CSNK2A2: variants seen among roughly 807,000 people sequenced by gnomAD.
The protein encoded by CSNK2A2 is casein kinase II subunit alpha'.
CSNK2A2 carries 8 observed loss-of-function variants against 54.0 expected under a neutral mutation model. That is an observed-to-expected ratio of 0.15 (90% CI 0.09 to 0.27). The LOEUF (loss-of-function observed/expected upper bound fraction) is 0.27. Ranked by LOEUF, CSNK2A2 falls within the 10% of genes least tolerant of loss-of-function variation. The pLI, the probability that CSNK2A2 is intolerant of heterozygous loss-of-function variation, is 1.00. For synonymous variants in CSNK2A2, 141 were observed against 153.9 expected (o/e 0.92, Z 0.62); for missense variants, 242 against 439.4 (o/e 0.55, Z 4.02).
intron 5 of CSNK2A2, 192 bp downstream of exon 5, chr16:58,174,259 C>CT: frequency 2.0e-6 from 1 of 509,448 alleles, no homozygotes; most frequent in Non-Finnish European, 3.4e-6. Flanking sequence ...GACTTGGCCA[C>CT]TTTTTTCCCA....
intron 4 of CSNK2A2, among the ~76,000 whole-genome samples, chr16:58,183,284 G>T (rs1597120664): frequency 6.6e-6 from 1 of 151,820 alleles, no homozygotes; most frequent in Non-Finnish European, 1.5e-5. Flanking sequence ...GGCTGAGGCA[G>T]GAGAATCGCT....
chr16:58,197,754 G>C lies in CSNK2A2; in HGVS notation c.-18C>G. The C allele has an allele frequency of 9.3e-7, 1 of 1,077,050 alleles. No homozygotes were observed. The highest frequency in any genetic ancestry group is 1.2e-6 in the Non-Finnish European group (1 of 855,792). The allele number at this position is 1,077,050 out of a possible 1,614,324, so 66.7% of individuals were successfully genotyped here. A position where few individuals can be genotyped will look rare whatever the true frequency, so the allele number is the denominator to read the frequency against. On this transcript the variant is annotated 5_prime_UTR_variant, in exon 1 of 12. Coordinates refer to ENST00000262506, the MANE Select transcript of CSNK2A2 (RefSeq NM_001896.4). The surrounding 1 kb of genome is among the most constrained non-coding windows in gnomAD (Gnocchi z 4.0). ...CCGGGCATGGCGGGCGGGACCGGGG[G>C]GCGGCGCGGGGCGCAGAGGGTGGCG... is the stretch of plus-strand genomic sequence containing the variant.
At chr16:58,192,643 A>T (rs888587179) in intron 2 of CSNK2A2, 1 of 152,228 alleles carries the variant, frequency 6.6e-6, no homozygotes, top group Non-Finnish European at 1.5e-5. Flanking sequence ...TCCTTTGAGA[A>T]AAATAACTCC....
At position 58,174,359 on chromosome 16, in the gene CSNK2A2, A is replaced by C. The variant is rs537213763; in HGVS notation, c.429+92T>G. On this transcript the variant is annotated intron_variant, in intron 5 of 11. Transcript: ENST00000262506. ...TCACTAAATCCTCTGGGTATCAAGA[A>C]ACATTCTGCTTAAGTTCTCTTTGTT... 5 of 881,302 alleles carry C rather than the reference A, an allele frequency of 5.7e-6. No homozygotes were observed. In the African/African-American group the frequency reaches 8.7e-5, roughly 15 times the overall value. 54.6% of individuals were successfully genotyped at this position (881,302 alleles called of 1,614,324 possible). A position where few individuals can be genotyped will look rare whatever the true frequency, so the allele number is the denominator to read the frequency against.
intron 4 of CSNK2A2, 99 bp from the exon 5 acceptor site, chr16:58,174,609 A>G: frequency 1.2e-6 from 1 of 808,770 alleles, no homozygotes; most frequent in Non-Finnish European, 1.9e-6. Context: ...TACTTAAGTG[A>G]CTAAGGAATC....
intron 11 of CSNK2A2, chr16:58,159,843 T>C (rs1961275017): frequency 6.6e-6 from 1 of 152,190 alleles, no homozygotes; most frequent in Non-Finnish European, 1.5e-5. Flanking sequence ...AACCTCTTAG[T>C]CACCATTTAC....
chr16:58,174,552 C>T (rs1481306861), intron 4 of CSNK2A2, 42 bp from the exon 5 acceptor site: 1 of 1,531,392 alleles, frequency 6.5e-7, no homozygotes, highest in Admixed American at 1.7e-5. Flanking sequence ...TTTAGTCTCA[C>T]TGCATCTTGT....
At chr16:58,182,677 G>C (rs13338562) in intron 4 of CSNK2A2, among the ~76,000 whole-genome samples, 2 of 151,996 alleles carry the variant, frequency 1.3e-5, no homozygotes, top group Non-Finnish European at 2.9e-5. Context: ...ATTACACTAC[G>C]AACTTCCATT....
chr16:58,163,968 G>C, intron 11 of CSNK2A2, 86 bp downstream of exon 11: 1 of 1,058,714 alleles, frequency 9.4e-7, no homozygotes, highest in Non-Finnish European at 1.4e-6. Flanking sequence ...GGAATGATAA[G>C]AATTTCTTTT....
chr16:58,182,312 C>T lies in CSNK2A2; in HGVS notation c.369+1948G>A, dbSNP rs548184475. Among the ~76,000 whole-genome samples, 6 of 131,432 alleles carry T rather than the reference C, an allele frequency of 4.6e-5. No individual in the cohort carries two copies. The South Asian group carries it at 7.0e-4, about 15-fold the overall frequency. The allele number at this position is 131,432 out of a possible 152,430, so 86.2% of individuals were successfully genotyped here. A position where few individuals can be genotyped will look rare whatever the true frequency, so the allele number is the denominator to read the frequency against. ...TTGGGAGGCCAAGGCAGGTGGATCA[C>T]GAGGTAAGCCATCGAGACCATCCTG... On this transcript the variant is annotated intron_variant, in intron 4 of 11. Coordinates refer to ENST00000262506, the MANE Select transcript of CSNK2A2 (RefSeq NM_001896.4).
intron 2 of CSNK2A2, among the ~76,000 whole-genome samples, chr16:58,193,397 C>T (rs909852812): frequency 1.3e-5 from 2 of 152,164 alleles, no homozygotes; most frequent in African/African-American, 2.4e-5. Flanking sequence ...TTTAATACCA[C>T]CACCCTTTGT....
intron 11 of CSNK2A2, chr16:58,161,552 C>CAG (rs1961370086): frequency 6.7e-6 from 1 of 148,726 alleles, no homozygotes; most frequent in African/African-American, 2.6e-5. Flanking sequence ...CACACACAGA[C>CAG]ACACACACAG....
rs1961820154 is a variant in CSNK2A2 at position 58,174,324 on chromosome 16, T to G, written c.429+127A>C. 6 of 659,582 alleles carry G rather than the reference T, an allele frequency of 9.1e-6. No individual in the cohort carries two copies. The East Asian group carries it at 1.5e-4, about 17-fold the overall frequency. The allele number at this position is 659,582 out of a possible 1,614,324, so 40.9% of individuals were successfully genotyped here. On this transcript the variant is annotated intron_variant, in intron 5 of 11. Transcript: ENST00000262506. ...TCCTCGATGGAGGCCTCAATATAAG[T>G]TTAAAAACTTCACTAAATCCTCTGG...
intron 5 of CSNK2A2, among the ~76,000 whole-genome samples, chr16:58,171,407 C>A (rs1961732069): frequency 6.6e-6 from 1 of 151,908 alleles, no homozygotes; most frequent in Non-Finnish European, 1.5e-5. Flanking sequence ...CCTGTAATCC[C>A]AACTACTCAG....
At chr16:58,191,202 C>G (rs767631795) in intron 2 of CSNK2A2, among the ~76,000 whole-genome samples, 4 of 151,968 alleles carry the variant, frequency 2.6e-5, no homozygotes, top group Non-Finnish European at 4.4e-5. Context: ...CGGTTGTTGC[C>G]AGGAAATGGG....
chr16:58,173,145 T>C (rs1398195419), intron 5 of CSNK2A2, among the ~76,000 whole-genome samples: 4 of 152,182 alleles, frequency 2.6e-5, no homozygotes, highest in African/African-American at 7.2e-5. Context: ...GCAAATTTTA[T>C]CCACACCAAT....
At chr16:58,166,896 G>A (rs990113774) in intron 8 of CSNK2A2, among the ~76,000 whole-genome samples, 3 of 152,104 alleles carry the variant, frequency 2.0e-5, no homozygotes, top group South Asian at 2.1e-4. Context: ...TACAACTTAC[G>A]ATAATAATCT....
At chr16:58,195,775 A>G (rs1227199970) in intron 2 of CSNK2A2, among the ~76,000 whole-genome samples, 1 of 152,236 alleles carries the variant, frequency 6.6e-6, no homozygotes, top group African/African-American at 2.4e-5. Context: ...ACGTCATATC[A>G]TTATCAAATT....
At chr16:58,172,624 C>CA (rs1380088643) in intron 5 of CSNK2A2, among the ~76,000 whole-genome samples, 1 of 152,208 alleles carries the variant, frequency 6.6e-6, no homozygotes, top group Non-Finnish European at 1.5e-5. Flanking sequence ...TCAATGAAAG[C>CA]AAAGGCTGAA....
Sources: allele counts gnomAD v4.1 joint callset (sites outside exome capture counted in the v4.1 genomes callset), GRCh38; gene constraint gnomAD v4.1.1; non-coding constraint Gnocchi (gnomAD v3.1); transcripts MANE v1.5; gene names NCBI Gene and HGNC (gene_info 2026-07-23, HGNC 2026-07-21).